CDKL5: variants seen among roughly 807,000 people sequenced by gnomAD.
CDKL5 encodes the protein cyclin dependent kinase like 5.
In CDKL5, 8 loss-of-function variants were observed where a neutral mutation model predicts 61.7. The observed-to-expected ratio is 0.13, with a 90% CI of 0.08 to 0.23. The LOEUF is 0.23. Ranked by LOEUF, CDKL5 falls within the 10% of genes least tolerant of loss-of-function variation. CDKL5 has a pLI of 1.00. For missense variants in CDKL5, 440 were observed against 734.5 expected, an observed-to-expected ratio of 0.60 and a Z score of 4.63; for synonymous variants, 275 against 272.3, an observed-to-expected ratio of 1.01 and a Z score of -0.10.
chrX:18,613,091 T>A (rs1160894449), intron 14 of CDKL5, 61 bp from the exon 15 acceptor site: 1 of 803,240 alleles, frequency 1.2e-6, no homozygotes, highest in Non-Finnish European at 1.7e-6. Context: ...CGAGACTCTG[T>A]CTAAAAAAAA....
chrX:18,510,539 A>G (rs778017921), intron 2 of CDKL5, among the ~76,000 whole-genome samples: 1 of 112,771 alleles, frequency 8.9e-6, no homozygotes. Context: ...TCTTGTCTCC[A>G]TAAATGTGTA....
At position 18,627,923 on chromosome X, in the gene CDKL5, T is replaced by G. The variant is rs191563445; in HGVS notation, c.2497-448T>G. Among the ~76,000 whole-genome samples the G allele has an allele frequency of 3.6e-5, 4 of 111,315 alleles. No homozygotes were observed. The East Asian group carries it at 8.5e-4, about 24-fold the overall frequency. ...TTGAGTACATTGCTAACTAAAACAT[T>G]CCATATTTTCAGCTTCTCTTGCTGC... is the stretch of plus-strand genomic sequence containing the variant. On this transcript the variant is annotated intron_variant, in intron 17 of 17. Transcript: ENST00000623535.
chrX:18,647,074 G>A lies in CDKL5; in HGVS notation c.2797+984G>A, dbSNP rs868539750. On this transcript the variant is annotated intron_variant, in intron 20 of 21. Transcript: ENST00000379989. ...TGGGATTACAGGCACGTGCCACCAC[G>A]CCAGTTAATTTTTTGTATTTTTAGT... 81 of 840,868 alleles carry A rather than the reference G, an allele frequency of 9.6e-5. 1 individual carries two copies. The Middle Eastern group carries it at 2.5e-3, about 26-fold the overall frequency. 69.3% of individuals were successfully genotyped at this position (840,868 alleles called of 1,213,427 possible). A position where few individuals can be genotyped will look rare whatever the true frequency, so the allele number is the denominator to read the frequency against.
chrX:18,550,339 C>T (rs1407882021), intron 3 of CDKL5, among the ~76,000 whole-genome samples: 1 of 111,345 alleles, frequency 9.0e-6, no homozygotes, highest in African/African-American at 3.3e-5. Context: ...TAACCCCACC[C>T]ACATCCATAC....
intron 3 of CDKL5, among the ~76,000 whole-genome samples, chrX:18,531,187 G>A (rs1042210157): frequency 1.4e-4 from 16 of 112,018 alleles, no homozygotes; most frequent in Non-Finnish European, 2.6e-4. Flanking sequence ...TTTCTCCCTG[G>A]ACACCAAGGC....
chrX:18,437,572 T>C (rs1010551014), intron 1 of CDKL5, among the ~76,000 whole-genome samples: 37 of 112,405 alleles, frequency 3.3e-4, no homozygotes, highest in African/African-American at 1.1e-3. Flanking sequence ...TCATGTTTTA[T>C]GAAATCACAT....
At chrX:18,460,324 A>G (rs1402781481) in intron 1 of CDKL5, among the ~76,000 whole-genome samples, 1 of 110,628 alleles carries the variant, frequency 9.0e-6, no homozygotes, top group Admixed American at 9.6e-5. Flanking sequence ...TTGAGAACTC[A>G]GTATCACGAG....
At chrX:18,648,134 A>G (rs1337746280) in intron 20 of CDKL5, among the ~76,000 whole-genome samples, 5 of 110,728 alleles carry the variant, frequency 4.5e-5, no homozygotes, top group Admixed American at 9.5e-5. Flanking sequence ...CCCGGGAGGC[A>G]GAGGTTTCAG....
At chrX:18,465,055 CTT>C (rs1324776351) in intron 1 of CDKL5, among the ~76,000 whole-genome samples, 2 of 111,576 alleles carry the variant, frequency 1.8e-5, no homozygotes, top group African/African-American at 6.5e-5. Context: ...ATTGTTTTGA[CTT>C]TTATATTTAG....
In CDKL5 at chrX:18,491,925, TTTCCA is replaced by T. The variant is rs765738126; in HGVS notation, c.-162-15006_-162-15002del. Among the ~76,000 whole-genome samples, 14 of 111,635 alleles carry T rather than the reference TTTCCA, an allele frequency of 1.3e-4. No homozygotes were observed. In the East Asian group the frequency reaches 3.9e-3, roughly 31 times the overall value. ...CCCTTGTTGATGTGTATTTAGACTG[TTTCCA>T]TTCTTGTTTTTGCAAACAATGTTGC... On this transcript the variant is annotated intron_variant, in intron 1 of 17. Transcript: ENST00000623535.
chrX:18,528,452 C>G (rs1297604134), intron 3 of CDKL5, among the ~76,000 whole-genome samples: 2 of 109,639 alleles, frequency 1.8e-5, no homozygotes, highest in African/African-American at 6.6e-5. Flanking sequence ...TATTCTTTAT[C>G]CCAATGATTT....
At chrX:18,650,206 G>C (rs1450201469) in intron 20 of CDKL5, 1 of 476,841 alleles carries the variant, frequency 2.1e-6, no homozygotes, top group Non-Finnish European at 3.7e-6. Context: ...GGCCTTGACA[G>C]CCTGGGAGGG....
At chrX:18,640,445 C>G (rs1159888470), downstream of CDKL5, 1 of 82,132 alleles carries the variant, frequency 1.2e-5, no homozygotes, top group African/African-American at 4.4e-5. Flanking sequence ...CCCCCCCCCC[C>G]CACCCCCAAC....
At chrX:18,625,609 G>C (rs1388372170) in intron 17 of CDKL5, among the ~76,000 whole-genome samples, 1 of 111,855 alleles carries the variant, frequency 8.9e-6, no homozygotes, top group African/African-American at 3.3e-5. Flanking sequence ...GATGAACACA[G>C]ATGGTGGGAA....
rs1922690971 is a variant in CDKL5 at position 18,509,050 on chromosome X, C to T, written c.65-1770C>T. Among the ~76,000 whole-genome samples, 3 of 106,037 alleles carry T rather than the reference C, an allele frequency of 2.8e-5. No individual in the cohort carries two copies. In the South Asian group the frequency reaches 1.3e-3, roughly 46 times the overall value. The allele number at this position is 106,037 out of a possible 115,157, so 92.1% of individuals were successfully genotyped here. A position where few individuals can be genotyped will look rare whatever the true frequency, so the allele number is the denominator to read the frequency against. On this transcript the variant is annotated intron_variant, in intron 2 of 17. Coordinates refer to ENST00000623535, the MANE Select transcript of CDKL5 (RefSeq NM_001323289.2). ...GGAGGTTGCAGTGAGTGAGCTTGTG[C>T]CACTGCACTCCAGCCTGATGAGAGA...
intron 16 of CDKL5, chrX:18,623,889 C>T: frequency 1.3e-6 from 1 of 742,392 alleles, no homozygotes. Context: ...ACAGATTCCA[C>T]CAACGGGGAG....
chrX:18,507,163 A>G lies in CDKL5; in HGVS notation c.64+3A>G, dbSNP rs775504546. ...GATCCTTGGGGTTGTAGGTGAAGGT[A>G]AGTTGGAATTTTTGCGTTCCTTGAG... On this transcript the variant is annotated splice_donor_region_variant and intron_variant, in intron 2 of 17. Coordinates refer to ENST00000623535, the MANE Select transcript of CDKL5 (RefSeq NM_001323289.2). 1 of 1,178,109 alleles carries G rather than the reference A, an allele frequency of 8.5e-7. No homozygotes were observed. The highest frequency in any genetic ancestry group is 1.2e-6 in the Non-Finnish European group (1 of 864,894).
At chrX:18,479,668 T>C (rs1455074639) in intron 1 of CDKL5, among the ~76,000 whole-genome samples, 4 of 111,790 alleles carry the variant, frequency 3.6e-5, no homozygotes, top group Admixed American at 1.9e-4. Flanking sequence ...TCCTCTGGTA[T>C]TCCCATTACA....
At chrX:18,649,682 T>C (rs1309685736) in intron 20 of CDKL5, among the ~76,000 whole-genome samples, 1 of 111,848 alleles carries the variant, frequency 8.9e-6, no homozygotes, top group Admixed American at 9.5e-5. Context: ...CCAGAGCAAT[T>C]GCATTTTTAA....
Sources: allele counts gnomAD v4.1 joint callset (sites outside exome capture counted in the v4.1 genomes callset), GRCh38; gene constraint gnomAD v4.1.1; transcripts MANE v1.5; gene names NCBI Gene and HGNC (gene_info 2026-07-23, HGNC 2026-07-21).